Variants in NECTIN1 observed in about 807,000 individuals in gnomAD.
NECTIN1 encodes the protein nectin-1.
NECTIN1 carries 23 observed loss-of-function variants against 48.0 expected under a neutral mutation model. The ratio of observed to expected loss-of-function variants is 0.48; its 90% CI spans 0.34 to 0.68. NECTIN1 has a LOEUF of 0.68. NECTIN1 is among the 30% of genes least tolerant of loss of function. The probability of loss-of-function intolerance (pLI) is 0.01; values close to 1 mark genes in which losing one functional copy is unlikely to be tolerated. For missense variants in NECTIN1, 591 were observed against 709.9 expected, an observed-to-expected ratio of 0.83 and a Z score of 1.90; for synonymous variants, 270 against 288.9, an observed-to-expected ratio of 0.93 and a Z score of 0.66.
rs1327567664 is a variant in NECTIN1 at position 119,672,430 on chromosome 11, C to T, written c.1003+2729G>A. ...GGGCCCACCCCATGAAACTGCTCCT[C>T]TGTGTAAGGGCCTCTGAAAGGGGTT... On this transcript the variant is annotated intron_variant, in intron 5 of 5. Coordinates refer to ENST00000264025, the MANE Select transcript of NECTIN1 (RefSeq NM_002855.5). This position sits in a 1 kb window ranked among gnomAD's most constrained non-coding sequence, Gnocchi z 4.3. 1.3e-5 allele frequency among the ~76,000 whole-genome samples: 2 copies of T among 152,194 alleles called. No individual in the cohort carries two copies. Among genetic ancestry groups the T allele is most frequent in the Admixed American group, 1.3e-4 (2 of 15,284 alleles).
intron 5 of NECTIN1, among the ~76,000 whole-genome samples, chr11:119,667,353 C>T (rs777637855): frequency 6.6e-6 from 1 of 152,172 alleles, no homozygotes; most frequent in Non-Finnish European, 1.5e-5. Context: ...TCTCTTCATC[C>T]ATCCCTCCCA....
intron 5 of NECTIN1, among the ~76,000 whole-genome samples, chr11:119,654,712 C>T (rs1864544062): frequency 6.6e-6 from 1 of 152,008 alleles, no homozygotes; most frequent in African/African-American, 2.4e-5. Context: ...GCTGGGACTA[C>T]AGGTGCCCAC....
At position 119,683,573 on chromosome 11, in the gene NECTIN1, GGTGTGTGTGTGTGT is replaced by G. The variant is rs66955603; in HGVS notation, c.80-4822_80-4809del. ...AGAAACAGGGGCTTTGGGGATCCCG[GGTGTGTGTGTGTGT>G]GTGTGTGTGTGTGTGTGTGTGTGGG... On this transcript the variant is annotated intron_variant, in intron 1 of 5. Transcript: ENST00000264025. The surrounding 1 kb of genome is among the most constrained non-coding windows in gnomAD (Gnocchi z 4.0). Among the ~76,000 whole-genome samples, 2 of 143,676 alleles carry G rather than the reference GGTGTGTGTGTGTGT, an allele frequency of 1.4e-5. No homozygotes were observed. Among genetic ancestry groups the G allele is most frequent in the African/African-American group, 2.6e-5 (1 of 38,484 alleles). 94.3% of individuals were successfully genotyped at this position (143,676 alleles called of 152,430 possible). A position where few individuals can be genotyped will look rare whatever the true frequency, so the allele number is the denominator to read the frequency against.
At chr11:119,645,352 T>C (rs1419174802) in intron 5 of NECTIN1, among the ~76,000 whole-genome samples, 1 of 152,164 alleles carries the variant, frequency 6.6e-6, no homozygotes, top group Non-Finnish European at 1.5e-5. Context: ...TGGGGCAGAC[T>C]CCAGCGGTCT....
intron 5 of NECTIN1, among the ~76,000 whole-genome samples, chr11:119,668,925 A>G (rs1326830346): frequency 1.3e-5 from 2 of 152,216 alleles, no homozygotes; most frequent in Non-Finnish European, 1.5e-5. Flanking sequence ...GCAGTAGTCT[A>G]TAAGCTCACT....
chr11:119,648,252 A>G (rs1409734630), intron 5 of NECTIN1, among the ~76,000 whole-genome samples: 9 of 16,558 alleles, frequency 5.4e-4, no homozygotes, highest in Non-Finnish European at 8.4e-4. Flanking sequence ...TGGTGGTGAT[A>G]GAGGTGGTAA....
Position 119,663,668 on chromosome 11 carries a change from G to A in NECTIN1, c.*1079C>T. On this transcript the variant is annotated 3_prime_UTR_variant, in exon 6 of 6. Coordinates refer to ENST00000264025, the MANE Select transcript of NECTIN1 (RefSeq NM_002855.5). ...GACTCCTGCAGGTGGATCCCCCTGGGATCCCAGCCCTGACTAGCCAAAAGA... is the reference window on the plus strand; with the variant it reads ...GACTCCTGCAGGTGGATCCCCCTGGAATCCCAGCCCTGACTAGCCAAAAGA... 4.1e-6 allele frequency: 4 copies of A among 985,528 alleles called. No homozygotes were observed. The highest frequency in any genetic ancestry group is 4.8e-6 in the Non-Finnish European group (4 of 829,964). The allele number at this position is 985,528 out of a possible 1,614,324, so 61.0% of individuals were successfully genotyped here. A position where few individuals can be genotyped will look rare whatever the true frequency, so the allele number is the denominator to read the frequency against.
chr11:119,715,212 C>G (rs890976972), intron 1 of NECTIN1, among the ~76,000 whole-genome samples: 1 of 152,168 alleles, frequency 6.6e-6, no homozygotes, highest in Non-Finnish European at 1.5e-5. Flanking sequence ...GATTTCCCTT[C>G]CAATGCTAAG....
Position 119,677,296 on chromosome 11 carries a change from G to A in NECTIN1, c.734-77C>T. On this transcript the variant is annotated intron_variant, in intron 3 of 5. Coordinates refer to ENST00000264025, the MANE Select transcript of NECTIN1 (RefSeq NM_002855.5). This position sits in a 1 kb window ranked among gnomAD's most constrained non-coding sequence, Gnocchi z 5.4. ...GAACAAGGGAACTTCAGCCAGGAAG[G>A]GATGGAAGGAGCAGTGGCATGGAAA... 1 of 1,303,374 alleles carries A rather than the reference G, an allele frequency of 7.7e-7. No homozygotes were observed. Among genetic ancestry groups the A allele is most frequent in the Non-Finnish European group, 1.1e-6 (1 of 900,830 alleles). 80.7% of individuals were successfully genotyped at this position (1,303,374 alleles called of 1,614,324 possible).
chr11:119,714,830 T>A (rs898282613), intron 1 of NECTIN1, among the ~76,000 whole-genome samples: 4 of 152,056 alleles, frequency 2.6e-5, no homozygotes, highest in African/African-American at 9.7e-5. Context: ...TCCTCCTAGA[T>A]CTGGGACAGC....
rs1481937721 is a variant in NECTIN1 at position 119,728,987 on chromosome 11, C to A, written c.-434G>T. On this transcript the variant is annotated 5_prime_UTR_variant, in exon 1 of 6. Coordinates refer to ENST00000264025, the MANE Select transcript of NECTIN1 (RefSeq NM_002855.5). ...CAGGCGTCCATGGCCGGCCGTCCTC[C>A]GAGGGTGGCGGGACGCACCCGGGCG... The A allele has an allele frequency of 2.0e-5, 3 of 152,376 alleles. No individual in the cohort carries two copies. Among genetic ancestry groups the A allele is most frequent in the South Asian group, 1.9e-4 (1 of 5,368 alleles). The allele number at this position is 152,376 out of a possible 1,614,324, so 9.4% of individuals were successfully genotyped here. A position where few individuals can be genotyped will look rare whatever the true frequency, so the allele number is the denominator to read the frequency against.
At chr11:119,701,072 G>A (rs1165179639) in intron 1 of NECTIN1, among the ~76,000 whole-genome samples, 3 of 152,174 alleles carry the variant, frequency 2.0e-5, no homozygotes, top group Non-Finnish European at 4.4e-5. Flanking sequence ...AGGCTGGGGA[G>A]CAGGGTGCTT....
chr11:119,681,563 G>C (rs371887280), intron 1 of NECTIN1, among the ~76,000 whole-genome samples: 1 of 152,238 alleles, frequency 6.6e-6, no homozygotes, highest in Non-Finnish European at 1.5e-5. Flanking sequence ...TCAATGCCAG[G>C]AGGGGAGACG....
At chr11:119,666,430 A>C (rs1363117156) in intron 5 of NECTIN1, among the ~76,000 whole-genome samples, 2 of 152,236 alleles carry the variant, frequency 1.3e-5, no homozygotes, top group African/African-American at 2.4e-5. Context: ...GCCGGGCCAC[A>C]GTACTGTTCT....
intron 5 of NECTIN1, among the ~76,000 whole-genome samples, chr11:119,666,102 GGCAGGGCACAAGC>G (rs1283586603): frequency 6.6e-6 from 1 of 152,216 alleles, no homozygotes; most frequent in African/African-American, 2.4e-5. Context: ...ACACCAGCAT[GGCAGGGCACAAGC>G]ACAGGGCAAG....
At position 119,661,353 on chromosome 11, in the gene NECTIN1, G is replaced by A; in HGVS notation, c.*3394C>T. Reference sequence around the variant, plus strand: ...CTGGCCTCACAAGCTGGGCAGTGTTGGCAGCAGTGGCAGCAGCAGAGGGGC... The same window carrying A: ...CTGGCCTCACAAGCTGGGCAGTGTTAGCAGCAGTGGCAGCAGCAGAGGGGC... On this transcript the variant is annotated 3_prime_UTR_variant, in exon 6 of 6. Transcript: ENST00000264025. 1.0e-6 allele frequency: 1 copy of A among 986,538 alleles called. No individual in the cohort carries two copies. Among genetic ancestry groups the A allele is most frequent in the Non-Finnish European group, 1.2e-6 (1 of 830,490 alleles). The allele number at this position is 986,538 out of a possible 1,614,324, so 61.1% of individuals were successfully genotyped here.
chr11:119,726,361 A>C (rs1398837286), intron 1 of NECTIN1, among the ~76,000 whole-genome samples: 1 of 152,180 alleles, frequency 6.6e-6, no homozygotes, highest in Admixed American at 6.5e-5. Context: ...CGTGGACCCT[A>C]GAGCAAGCAA....
chr11:119,661,557 C>T lies in NECTIN1; in HGVS notation c.*3190G>A. 1.0e-6 allele frequency: 1 copy of T among 985,880 alleles called. No individual in the cohort carries two copies. Among genetic ancestry groups the T allele is most frequent in the African/African-American group, 1.7e-5 (1 of 57,354 alleles). The allele number at this position is 985,880 out of a possible 1,614,324, so 61.1% of individuals were successfully genotyped here. On this transcript the variant is annotated 3_prime_UTR_variant, in exon 6 of 6. Coordinates refer to ENST00000264025, the MANE Select transcript of NECTIN1 (RefSeq NM_002855.5). ...ACTACCCTCCTCCCAGAAGAGGGGACATCCGTGTCTGCTTGGCTCAGCAGA... is the reference window on the plus strand; with the variant it reads ...ACTACCCTCCTCCCAGAAGAGGGGATATCCGTGTCTGCTTGGCTCAGCAGA...
chr11:119,726,015 C>T (rs529211169), intron 1 of NECTIN1, among the ~76,000 whole-genome samples: 1 of 152,344 alleles, frequency 6.6e-6, no homozygotes, highest in South Asian at 2.1e-4. Flanking sequence ...CTTCACCACA[C>T]TGCTTAGTAA....
Sources: allele counts gnomAD v4.1 joint callset (sites outside exome capture counted in the v4.1 genomes callset), GRCh38; gene constraint gnomAD v4.1.1; non-coding constraint Gnocchi (gnomAD v3.1); transcripts MANE v1.5; gene names NCBI Gene and HGNC (gene_info 2026-07-23, HGNC 2026-07-21).